DHX37: variants seen among roughly 807,000 people sequenced by gnomAD.
The protein encoded by DHX37 is DEAH-box helicase 37.
DHX37 carries 52 observed loss-of-function variants against 134.3 expected under a neutral mutation model. That is an observed-to-expected ratio of 0.39 (90% CI 0.31 to 0.49). The LOEUF is 0.49. Ranked by LOEUF, DHX37 falls within the 20% of genes least tolerant of loss-of-function variation. The pLI, the probability that DHX37 is intolerant of heterozygous loss-of-function variation, is 0.93. For missense variants in DHX37, 1,344 were observed against 1,580.8 expected (o/e 0.85, Z 2.54); for synonymous variants, 634 against 670.7 (o/e 0.95, Z 0.85).
Position 124,977,340 on chromosome 12 carries a change from ACCTGCTGAAG to A in DHX37, c.879_887+1del. 6.5e-7 allele frequency: 1 copy of A among 1,547,832 alleles called. No individual in the cohort carries two copies. Among genetic ancestry groups the A allele is most frequent in the Non-Finnish European group, 8.7e-7 (1 of 1,149,664 alleles). ...AGAGAGAACCCTGTGTCCAGCCCCT[ACCTGCTGAAG>A]CCTGCTTCATAGAGAAACTGAGGCA... is the stretch of plus-strand genomic sequence containing the variant. On this transcript the variant is annotated splice_donor_variant and coding_sequence_variant, in exon 5 of 27. Coordinates refer to ENST00000308736, the MANE Select transcript of DHX37 (RefSeq NM_032656.4). LOFTEE classifies it high-confidence loss of function.
intron 15 of DHX37, among the ~76,000 whole-genome samples, chr12:124,962,282 A>C (rs1322128764): frequency 6.6e-6 from 1 of 152,148 alleles, no homozygotes; most frequent in African/African-American, 2.4e-5. Context: ...GTTCATGCCT[A>C]TAATCCCAGC....
chr12:124,986,386 T>G, intron 1 of DHX37, 121 bp from the exon 2 acceptor site: 1 of 1,082,804 alleles, frequency 9.2e-7, no homozygotes, highest in South Asian at 1.5e-5. Flanking sequence ...GGGGGATCTG[T>G]GAGCTCAAAT....
chr12:124,965,543 G>C, intron 13 of DHX37, 125 bp downstream of exon 13: 1 of 1,401,894 alleles, frequency 7.1e-7, no homozygotes. Flanking sequence ...GCAGTTTCAA[G>C]AACTCAGGAA....
intron 8 of DHX37, among the ~76,000 whole-genome samples, chr12:124,970,041 C>T (rs1041613982): frequency 6.6e-5 from 10 of 152,192 alleles, no homozygotes; most frequent in African/African-American, 1.2e-4. Flanking sequence ...GGCGCGATCG[C>T]GGCTCACTGC....
rs1400999737 is a variant in DHX37, at chr12:124,950,263, G to A, written c.3122-20C>T. ...CGCGATCTAGAAGGTGGGAGCCAGT[G>A]AGACAGGGACCCTCCTGCAGCTGCC... On this transcript the variant is annotated intron_variant, in intron 23 of 26. Coordinates refer to ENST00000308736, the MANE Select transcript of DHX37 (RefSeq NM_032656.4). 1 of 1,613,128 alleles carries A rather than the reference G, an allele frequency of 6.2e-7. No homozygotes were observed. Among genetic ancestry groups the A allele is most frequent in the East Asian group, 2.2e-5 (1 of 44,870 alleles).
chr12:124,966,774 C>T lies in DHX37; in HGVS notation c.1590+19G>A, dbSNP rs753782816. The T allele has an allele frequency of 6.2e-7, 1 of 1,614,030 alleles. No individual in the cohort carries two copies. The highest frequency in any genetic ancestry group is 8.5e-7 in the Non-Finnish European group (1 of 1,179,838). On this transcript the variant is annotated intron_variant, in intron 12 of 26. Transcript: ENST00000308736. ...ACGCAGCCTTACTCTCCAGGAGTCCCTGCCAGCCCCCCACGTACCTCAGCC... is the reference window on the plus strand; with the variant it reads ...ACGCAGCCTTACTCTCCAGGAGTCCTTGCCAGCCCCCCACGTACCTCAGCC...
In DHX37 at chr12:124,965,729, C is replaced by T. The variant is rs1954371128; in HGVS notation, c.1674G>A (p.Glu558=). ...GGTCGGAGTCCAGGGCCCCCTCTTCCTCATCCACTTCTGCCTCCCTGTCCT... is the reference window on the plus strand; with the variant it reads ...GGTCGGAGTCCAGGGCCCCCTCTTCTTCATCCACTTCTGCCTCCCTGTCCT... The part of the protein sequence containing the change: ...GDEDREAEVD[E]EEGALDSDLD... Residue 558 remains glutamate, a synonymous_variant, in exon 13 of 27, where the codon GAG becomes GAA. Coordinates refer to ENST00000308736, the MANE Select transcript of DHX37 (RefSeq NM_032656.4). 1 of 1,613,892 alleles carries T rather than the reference C, an allele frequency of 6.2e-7. No homozygotes were observed. Among genetic ancestry groups the T allele is most frequent in the Non-Finnish European group, 8.5e-7 (1 of 1,179,950 alleles).
At chr12:124,961,332 ACG>A (rs1355449003) in intron 15 of DHX37, among the ~76,000 whole-genome samples, 10 of 142,932 alleles carry the variant, frequency 7.0e-5, no homozygotes, top group Admixed American at 6.7e-5. Context: ...ACACACGTGC[ACG>A]CACACACACA....
intron 15 of DHX37, 50 bp downstream of exon 15, chr12:124,964,344 C>T (rs1420900695): frequency 6.2e-7 from 1 of 1,604,214 alleles, no homozygotes; most frequent in Non-Finnish European, 8.5e-7. Context: ...TCCTCAGTGG[C>T]TATTGCAAGG....
chr12:124,963,776 A>G (rs1954319471), intron 15 of DHX37, among the ~76,000 whole-genome samples: 1 of 147,044 alleles, frequency 6.8e-6, no homozygotes, highest in African/African-American at 2.5e-5. Context: ...GCTACTCGGG[A>G]GGCTGAGGCA....
chr12:124,959,073 C>CTAT (rs1398315667), intron 16 of DHX37, among the ~76,000 whole-genome samples: 1 of 115,816 alleles, frequency 8.6e-6, no homozygotes, highest in South Asian at 2.7e-4. Context: ...CCACACCTGG[C>CTAT]TTTTTTTTTT....
chr12:124,986,440 G>A (rs61943892), intron 1 of DHX37, among the ~76,000 whole-genome samples, 175 bp from the exon 2 acceptor site: 1 of 152,112 alleles, frequency 6.6e-6, no homozygotes, highest in Non-Finnish European at 1.5e-5. Context: ...GCTTGGCGCA[G>A]GGGCTCATGC....
intron 15 of DHX37, among the ~76,000 whole-genome samples, chr12:124,961,235 C>CTT (rs879583427): frequency 0.065 from 9,126 of 141,168 alleles, 978 homozygotes; most frequent in African/African-American, 0.22. Flanking sequence ...CACGCACACA[C>CTT]ACATACACGC....
chr12:124,948,357 G>A, intron 25 of DHX37, 176 bp from the exon 26 acceptor site: 1 of 1,200,286 alleles, frequency 8.3e-7, no homozygotes, highest in Non-Finnish European at 1.1e-6. Context: ...GGCTGAAGTA[G>A]GAGGATCCCT....
rs1340706446 is a variant in DHX37, at chr12:124,949,207, G to A, written c.3290+779C>T. On this transcript the variant is annotated intron_variant, in intron 25 of 26. Coordinates refer to ENST00000308736, the MANE Select transcript of DHX37 (RefSeq NM_032656.4). This position sits in a 1 kb window ranked among gnomAD's most constrained non-coding sequence, Gnocchi z 4.0. Reference sequence around the variant, plus strand: ...CTGGGACAGGGCCACACTGGAAAACGTGAGCTGAGTGACTGACACGGCTCC... The same window carrying A: ...CTGGGACAGGGCCACACTGGAAAACATGAGCTGAGTGACTGACACGGCTCC... Among the ~76,000 whole-genome samples, 2 of 152,278 alleles carry A rather than the reference G, an allele frequency of 1.3e-5. No homozygotes were observed. Among genetic ancestry groups the A allele is most frequent in the East Asian group, 1.9e-4 (1 of 5,184 alleles).
At chr12:124,977,311 A>C in intron 5 of DHX37, 31 bp downstream of exon 5, 1 of 1,495,468 alleles carries the variant, frequency 6.7e-7, no homozygotes, top group Non-Finnish European at 8.9e-7. Context: ...TCACTGAGGG[A>C]CCCAGAGAGA....
At chr12:124,947,996 C>G in intron 26 of DHX37, 88 bp downstream of exon 26, 1 of 1,613,488 alleles carries the variant, frequency 6.2e-7, no homozygotes, top group South Asian at 1.1e-5. Context: ...TTCTGCCAAG[C>G]CAGGGCTGAC....
At chr12:124,960,092 A>G (rs1352987835) in intron 16 of DHX37, among the ~76,000 whole-genome samples, 1 of 152,226 alleles carries the variant, frequency 6.6e-6, no homozygotes, top group East Asian at 1.9e-4. Context: ...TGCTGCCTCT[A>G]TTCCAGACAG....
chr12:124,984,301 G>A (rs966663207), intron 2 of DHX37, among the ~76,000 whole-genome samples: 2 of 152,206 alleles, frequency 1.3e-5, no homozygotes, highest in Non-Finnish European at 2.9e-5. Flanking sequence ...GGGAGGCCGA[G>A]GCAGGTGGGT....
Sources: gnomAD v4.1 joint callset for allele counts (sites outside exome capture counted in the v4.1 genomes callset) on GRCh38, gnomAD v4.1.1 for gene constraint, Gnocchi (gnomAD v3.1) non-coding constraint, MANE v1.5 for transcripts, NCBI Gene and HGNC (gene_info 2026-07-23, HGNC 2026-07-21) for gene names.